SUPT3H: variants seen among roughly 807,000 people sequenced by gnomAD.
SUPT3H encodes transcription initiation protein SPT3 homolog.
A neutral mutation model predicts 44.3 loss-of-function variants in SUPT3H; 44 were observed. The ratio of observed to expected loss-of-function variants is 0.99; its 90% CI spans 0.78 to 1.28. The LOEUF is 1.28. Among genes scored for constraint, SUPT3H ranks in the 50% most tolerant of loss-of-function variants. The pLI, the probability that SUPT3H is intolerant of heterozygous loss-of-function variation, is 0.00. For missense variants in SUPT3H, 380 were observed against 387.1 expected (o/e 0.98, Z 0.15); for synonymous variants, 124 against 125.6 (o/e 0.99, Z 0.09).
At chr6:45,263,987 G>A (rs1211190158) in intron 2 of SUPT3H, among the ~76,000 whole-genome samples, 6 of 151,978 alleles carry the variant, frequency 3.9e-5, no homozygotes, top group Non-Finnish European at 7.4e-5. Flanking sequence ...CCAGAGGATC[G>A]ATTCTCCAAC....
At chr6:45,117,765 CACATAATATATTCCAGTTGTACT>C (rs1279648030) in intron 2 of SUPT3H, among the ~76,000 whole-genome samples, 1 of 152,032 alleles carries the variant, frequency 6.6e-6, no homozygotes, top group Admixed American at 6.6e-5. Flanking sequence ...AGTAGGAGAA[CACATAATATATTCCAGTTGTACT>C]ACATAATATA....
At chr6:44,945,596 G>A (rs554924462) in intron 9 of SUPT3H, among the ~76,000 whole-genome samples, 54 of 152,304 alleles carry the variant, frequency 3.5e-4, no homozygotes, top group African/African-American at 1.2e-3. Flanking sequence ...AACTAGCCAT[G>A]ACATTTCCTT....
At chr6:44,960,325 T>C (rs1775828513) in intron 7 of SUPT3H, among the ~76,000 whole-genome samples, 1 of 149,772 alleles carries the variant, frequency 6.7e-6, no homozygotes, top group African/African-American at 2.5e-5. Context: ...GGAGAATCAC[T>C]TGAACCCAGG....
chr6:44,835,245 A>C (rs1769614341), intron 10 of SUPT3H, among the ~76,000 whole-genome samples: 1 of 152,024 alleles, frequency 6.6e-6, no homozygotes, highest in South Asian at 2.1e-4. Context: ...GGAGTTGGCA[A>C]GTTTGGGTTA....
intron 2 of SUPT3H, among the ~76,000 whole-genome samples, chr6:45,280,347 C>CA (rs1262237643): frequency 2.6e-5 from 4 of 151,376 alleles, no homozygotes; most frequent in East Asian, 1.9e-4. Flanking sequence ...ACTAAAAATA[C>CA]AAAAAAAAGT....
intron 2 of SUPT3H, among the ~76,000 whole-genome samples, chr6:45,146,819 G>T (rs1209947185): frequency 6.6e-6 from 1 of 152,052 alleles, no homozygotes; most frequent in African/African-American, 2.4e-5. Context: ...AGAAGAAGCA[G>T]CACATCATAA....
At chr6:45,083,353 G>A (rs1016677440) in intron 3 of SUPT3H, among the ~76,000 whole-genome samples, 7 of 151,622 alleles carry the variant, frequency 4.6e-5, no homozygotes, top group African/African-American at 1.5e-4. Context: ...CACCACACCC[G>A]GCTAATTTTT....
Position 44,953,217 on chromosome 6 carries a change from C to T in SUPT3H, c.801+93G>A, listed in dbSNP as rs116157640. The T allele has an allele frequency of 1.4e-3, 1,290 of 939,312 alleles. 11 individuals are homozygous for T. The African/African-American group carries it at 0.018, about 13-fold the overall frequency. The allele number at this position is 939,312 out of a possible 1,614,324, so 58.2% of individuals were successfully genotyped here. The stretch of plus-strand genomic sequence containing the variant: ...ATTCTTTGACTGAAGGTTATACACT[C>T]CTGCATAATCTTTATTAAAGAATCA... On this transcript the variant is annotated intron_variant, in intron 9 of 10. Transcript: ENST00000371459.
intron 11 of SUPT3H, among the ~76,000 whole-genome samples, chr6:44,809,763 TTAAA>T (rs1766386088): frequency 1.3e-5 from 2 of 152,218 alleles, no homozygotes; most frequent in African/African-American, 4.8e-5. Flanking sequence ...AATGCCCCTC[TTAAA>T]TAACAGATTT....
intron 6 of SUPT3H, among the ~76,000 whole-genome samples, chr6:44,979,598 A>C (rs549762630): frequency 2.0e-5 from 3 of 152,310 alleles, no homozygotes; most frequent in Admixed American, 1.3e-4. Flanking sequence ...TGGAATTGAC[A>C]GTGAAAGCCC....
chr6:44,972,517 G>A (rs1582835831), intron 6 of SUPT3H, among the ~76,000 whole-genome samples: 1 of 152,242 alleles, frequency 6.6e-6, no homozygotes, highest in East Asian at 1.9e-4. Flanking sequence ...GCTGTCAGTG[G>A]ATCTACCATT....
intron 2 of SUPT3H, among the ~76,000 whole-genome samples, chr6:45,290,763 C>T (rs1780186448): frequency 6.6e-6 from 1 of 152,148 alleles, no homozygotes; most frequent in South Asian, 2.1e-4. Flanking sequence ...CAGTAGCTAA[C>T]ACTGAGGACT....
intron 2 of SUPT3H, among the ~76,000 whole-genome samples, chr6:45,280,643 C>T (rs534146905): frequency 7.2e-5 from 11 of 152,206 alleles, no homozygotes; most frequent in African/African-American, 1.9e-4. Flanking sequence ...ATTCAGAACA[C>T]GTGAGGATTA....
intron 2 of SUPT3H, among the ~76,000 whole-genome samples, chr6:45,278,496 A>C (rs1021624590): frequency 2.6e-5 from 4 of 152,204 alleles, no homozygotes; most frequent in Non-Finnish European, 5.9e-5. Context: ...ATATTTGGGC[A>C]AAGAAAAAGC....
intron 5 of SUPT3H, 67 bp from the exon 6 acceptor site, chr6:45,003,859 A>G (rs2153506117): frequency 2.0e-6 from 3 of 1,536,190 alleles, no homozygotes; most frequent in Non-Finnish European, 2.7e-6. Flanking sequence ...ACTAATTATT[A>G]CATGTATTAA....
intron 11 of SUPT3H, among the ~76,000 whole-genome samples, chr6:44,814,696 A>T (rs1766786426): frequency 6.6e-6 from 1 of 151,272 alleles, no homozygotes; most frequent in Non-Finnish European, 1.5e-5. Context: ...TTTTTTTTTT[A>T]GACAGAGTCT....
chr6:45,198,159 T>C, intron 2 of SUPT3H, among the ~76,000 whole-genome samples: 1 of 151,356 alleles, frequency 6.6e-6, no homozygotes. Context: ...TAAGAGCTGG[T>C]CTAATCAATA....
chr6:45,179,408 G>A lies in SUPT3H; in HGVS notation c.102-73402C>T, dbSNP rs372277040. Among the ~76,000 whole-genome samples the A allele has an allele frequency of 1.2e-4, 18 of 152,204 alleles. No homozygotes were observed. The East Asian group carries it at 1.7e-3, about 15-fold the overall frequency. On this transcript the variant is annotated intron_variant, in intron 2 of 10. Coordinates refer to ENST00000371459, the MANE Select transcript of SUPT3H (RefSeq NM_003599.4). ...CCAGCATCATCCTGATACCAAAGCCGGGCAGAGACACAACCAAATAGGAGA... is the reference window on the plus strand; with the variant it reads ...CCAGCATCATCCTGATACCAAAGCCAGGCAGAGACACAACCAAATAGGAGA...
chr6:45,274,401 T>C (rs1776688009), intron 2 of SUPT3H, among the ~76,000 whole-genome samples: 1 of 152,202 alleles, frequency 6.6e-6, no homozygotes, highest in Non-Finnish European at 1.5e-5. Context: ...AAACTCAAGG[T>C]CATGAACATT....
Sources: allele counts gnomAD v4.1 joint callset (sites outside exome capture counted in the v4.1 genomes callset), GRCh38; gene constraint gnomAD v4.1.1; transcripts MANE v1.5; gene names NCBI Gene and HGNC (gene_info 2026-07-23, HGNC 2026-07-21).